Variants in SYNE2 observed in about 807,000 individuals in gnomAD.
SYNE2 encodes the protein spectrin repeat containing nuclear envelope protein 2.
A neutral mutation model predicts 856.3 loss-of-function variants in SYNE2; 431 were observed. The observed-to-expected ratio is 0.50, with a 90% CI of 0.47 to 0.55. The LOEUF is 0.55. Ranked by LOEUF, SYNE2 falls within the 20% of genes least tolerant of loss-of-function variation. The probability of loss-of-function intolerance (pLI) is 0.00; values close to 1 mark genes in which losing one functional copy is unlikely to be tolerated. For synonymous variants in SYNE2, 2,923 were observed against 2,872.3 expected, an observed-to-expected ratio of 1.02 and a Z score of -0.56; for missense variants, 8,129 against 8,023.2, an observed-to-expected ratio of 1.01 and a Z score of -0.50.
intron 32 of SYNE2, among the ~76,000 whole-genome samples, chr14:64,013,136 T>TTTA (rs1362087116): frequency 6.6e-6 from 1 of 152,234 alleles, no homozygotes; most frequent in Non-Finnish European, 1.5e-5. Flanking sequence ...AACCCATAGT[T>TTTA]CTGCCAATGC....
chr14:63,960,733 T>C (rs775748542), intron 8 of SYNE2: 9 of 763,818 alleles, frequency 1.2e-5, no homozygotes, highest in Admixed American at 1.0e-4. Flanking sequence ...CTTCACTTAT[T>C]AGATGCCTGG....
chr14:64,021,844 T>C lies in SYNE2; in HGVS notation c.5353-13T>C. On this transcript the variant is annotated splice_polypyrimidine_tract_variant and intron_variant, in intron 36 of 115. Coordinates refer to ENST00000555002, the MANE Select transcript of SYNE2 (RefSeq NM_182914.3). ...TTTAAGATTTAATGGTTGTTGTTTG[T>C]TTATGCATTTAGGAGATACAACAGC... The C allele has an allele frequency of 6.2e-7, 1 of 1,613,522 alleles. No homozygotes were observed. The highest frequency in any genetic ancestry group is 8.5e-7 in the Non-Finnish European group (1 of 1,179,604).
At chr14:64,125,531 C>A (rs147083882) in intron 71 of SYNE2, among the ~76,000 whole-genome samples, 183 of 152,212 alleles carry the variant, frequency 1.2e-3, no homozygotes, top group African/African-American at 4.1e-3. Context: ...GCATGGTTTT[C>A]AACCCTGAGC....
At position 64,051,710 on chromosome 14, in the gene SYNE2, G is replaced by T. The variant is rs573231807; in HGVS notation, c.7797G>T (p.Gln2599His). Residue 2599 changes from glutamine (Q) to histidine (H), a missense_variant, in exon 48 of 116, where the codon CAG (glutamine) becomes CAT (histidine). By Grantham distance (24) the Gln-to-His change is conservative. This residue lies in a region of SYNE2 where 5,410 missense variants were observed against 5,284.8 expected (regional missense o/e 1.02). Coordinates refer to ENST00000555002, the MANE Select transcript of SYNE2 (RefSeq NM_182914.3). ...TGGATAAGAAATTGTTGGAAAGCCA[G>T]ATTAAGCAACTTGAACATGGTTGGG... is the stretch of plus-strand genomic sequence containing the variant. ...TDMDKKLLES[Q>H]IKQLEHGWEQ... 5 of 1,614,196 alleles carry T rather than the reference G, an allele frequency of 3.1e-6. No individual in the cohort carries two copies. In the South Asian group the frequency reaches 5.5e-5, roughly 18 times the overall value.
chr14:64,216,171 C>A, intron 107 of SYNE2, 77 bp from the exon 108 acceptor site: 1 of 1,607,044 alleles, frequency 6.2e-7, no homozygotes, highest in Non-Finnish European at 8.5e-7. Context: ...CATTTTCATA[C>A]TGTAACCTGA....
chr14:64,076,556 A>G (rs1230645108), intron 54 of SYNE2, among the ~76,000 whole-genome samples: 3 of 152,198 alleles, frequency 2.0e-5, no homozygotes, highest in Non-Finnish European at 2.9e-5. Flanking sequence ...TGATGTTAAC[A>G]GAATTCTCAT....
chr14:64,013,924 A>C (rs894929868), intron 32 of SYNE2, among the ~76,000 whole-genome samples: 1 of 152,148 alleles, frequency 6.6e-6, no homozygotes, highest in Non-Finnish European at 1.5e-5. Flanking sequence ...GGATGTTGAC[A>C]TCAATGCAGT....
At position 63,924,832 on chromosome 14, in the gene SYNE2, G is replaced by GTTTTTTTTTTTTTTTTTTTTTTTT. The variant is rs1491139905; in HGVS notation, c.79+15606_79+15607insTTTTTTTTTTTTTTTTTTTTTTTT. On this transcript the variant is annotated intron_variant, in intron 2 of 115. Transcript: ENST00000555002. ...TTTAACTTTTTTCCTTCCAGCCTTGGTGTTTTTTTTTTTTTTTTTTTTTTT... is the reference window on the plus strand; with the variant it reads ...TTTAACTTTTTTCCTTCCAGCCTTGGTTTTTTTTTTTTTTTTTTTTTTTTTGTTTTTTTTTTTTTTTTTTTTTTT... Among the ~76,000 whole-genome samples, 91 of 92,858 alleles carry GTTTTTTTTTTTTTTTTTTTTTTTT rather than the reference G, an allele frequency of 9.8e-4. 29 individuals are homozygous for GTTTTTTTTTTTTTTTTTTTTTTTT. Among genetic ancestry groups the GTTTTTTTTTTTTTTTTTTTTTTTT allele is most frequent in the East Asian group, 3.0e-3 (8 of 2,656 alleles). 60.9% of individuals were successfully genotyped at this position (92,858 alleles called of 152,430 possible). A position where few individuals can be genotyped will look rare whatever the true frequency, so the allele number is the denominator to read the frequency against.
chr14:64,019,938 A>G, intron 34 of SYNE2, 54 bp from the exon 35 acceptor site: 1 of 1,194,010 alleles, frequency 8.4e-7, no homozygotes, highest in Non-Finnish European at 1.2e-6. Flanking sequence ...TATGGGTATC[A>G]GAAAATAAGG....
At chr14:64,106,724 T>C (rs2097774193) in intron 64 of SYNE2, among the ~76,000 whole-genome samples, 2 of 152,370 alleles carry the variant, frequency 1.3e-5, no homozygotes, top group South Asian at 4.1e-4. Context: ...ATGGTATCTT[T>C]TGTGGTGCAT....
chr14:63,998,913 G>A lies in SYNE2; in HGVS notation c.3354-1G>A, dbSNP rs1281762919. 2.5e-6 allele frequency: 4 copies of A among 1,613,794 alleles called. No homozygotes were observed. Among genetic ancestry groups the A allele is most frequent in the Non-Finnish European group, 3.4e-6 (4 of 1,179,876 alleles). On this transcript the variant is annotated splice_acceptor_variant, in intron 26 of 115. Transcript: ENST00000555002. LOFTEE classifies it high-confidence loss of function. ...GTGATGTTGCATTTCATTTTGCCCA[G>A]GTATGATACATACAGAGATATTCTT... is the stretch of plus-strand genomic sequence containing the variant.
intron 1 of SYNE2, among the ~76,000 whole-genome samples, chr14:63,802,377 G>T (rs1888173060): frequency 6.6e-6 from 1 of 151,824 alleles, no homozygotes; most frequent in Non-Finnish European, 1.5e-5. Context: ...CAGGTTCTGG[G>T]ATTACAGGCA....
chr14:63,822,211 C>CA (rs1340368058), intron 1 of SYNE2, among the ~76,000 whole-genome samples: 39 of 150,314 alleles, frequency 2.6e-4, no homozygotes, highest in Non-Finnish European at 2.5e-4. Context: ...AAAGCAAAAA[C>CA]AAAAAAAGCA....
rs146183343 is a variant in SYNE2, at chr14:64,041,153, G to A, written c.7222-6847G>A. 2.5e-3 allele frequency among the ~76,000 whole-genome samples: 386 copies of A among 152,154 alleles called. 3 individuals are homozygous for A. The highest frequency in any genetic ancestry group is 0.024 in the Middle Eastern group (7 of 294). ...ATACATTTTGAGACAAAGACTGAAA[G>A]TTTATCTATCTCAAACTTCAAACAA... On this transcript the variant is annotated intron_variant, in intron 45 of 115. Transcript: ENST00000555002.
rs1210546951 is a variant in SYNE2 at position 64,152,710 on chromosome 14, C to T, written c.15786C>T (p.Leu5262=). 2.5e-6 allele frequency: 4 copies of T among 1,613,956 alleles called. No individual in the cohort carries two copies. The highest frequency in any genetic ancestry group is 3.4e-6 in the Non-Finnish European group (4 of 1,179,984). Reference sequence around the variant, plus strand: ...TATTTCAAAAGAGAAGCAGTGTTCTCACTCAGGTACTAGAATTCATTTGAA... The same window carrying T: ...TATTTCAAAAGAGAAGCAGTGTTCTTACTCAGGTACTAGAATTCATTTGAA... ...DELFQKRSSV[L]TQVNQLKTSM... The change falls in exon 85 of 116, where the codon CTC becomes CTT. Residue 5262 remains leucine (L), a synonymous_variant. Coordinates refer to ENST00000555002, the MANE Select transcript of SYNE2 (RefSeq NM_182914.3).
intron 66 of SYNE2, among the ~76,000 whole-genome samples, chr14:64,114,562 C>A (rs2097840286): frequency 6.6e-6 from 1 of 152,106 alleles, no homozygotes; most frequent in African/African-American, 2.4e-5. Context: ...CATCCAGGAA[C>A]CAGACAGACA....
intron 11 of SYNE2, among the ~76,000 whole-genome samples, chr14:63,969,167 T>C (rs1362167980): frequency 1.4e-5 from 2 of 146,676 alleles, no homozygotes; most frequent in African/African-American, 2.6e-5. Flanking sequence ...CAGAATCTCA[T>C]TCTTTTTTTT....
intron 6 of SYNE2, among the ~76,000 whole-genome samples, chr14:63,948,780 GTGTATATATA>G (rs1175058482): frequency 0.022 from 1,776 of 81,980 alleles, 105 homozygotes; most frequent in Non-Finnish European, 0.026. Flanking sequence ...GTATGTGTGT[GTGTATATATA>G]TATATATATA....
intron 9 of SYNE2, 40 bp from the exon 10 acceptor site, chr14:63,963,859 C>T (rs1367369849): frequency 1.5e-5 from 22 of 1,479,832 alleles, no homozygotes; most frequent in East Asian, 9.4e-5. Context: ...AAACCAAGCC[C>T]GTTTAAAATA....
Sources: gnomAD v4.1 joint callset for allele counts (sites outside exome capture counted in the v4.1 genomes callset) on GRCh38, gnomAD v4.1.1 for gene constraint, gnomAD v4.1.1 regional missense constraint, MANE v1.5 for transcripts, NCBI Gene and HGNC (gene_info 2026-07-23, HGNC 2026-07-21) for gene names.